The following KCTD8 variants were observed in gnomAD, a reference collection of about 807,000 sequenced individuals.
The protein encoded by KCTD8 is potassium channel tetramerization domain containing 8, also known as BTB/POZ domain-containing protein KCTD8.
KCTD8 carries 27 observed loss-of-function variants against 31.5 expected under a neutral mutation model. The ratio of observed to expected loss-of-function variants is 0.86; its 90% CI spans 0.63 to 1.18. The LOEUF (loss-of-function observed/expected upper bound fraction) is 1.18, where lower values mean the gene tolerates loss of function less well. Among genes scored for constraint, KCTD8 ranks in the 50% most tolerant of loss-of-function variants. The pLI is 0.00. For missense variants in KCTD8, 658 were observed against 647.7 expected (o/e 1.02, Z -0.17); for synonymous variants, 290 against 280.0 (o/e 1.04, Z -0.36).
At chr4:44,279,091 A>G (rs1008484967) in intron 1 of KCTD8, among the ~76,000 whole-genome samples, 1 of 152,046 alleles carries the variant, frequency 6.6e-6, no homozygotes, top group Non-Finnish European at 1.5e-5. Context: ...ATACCTTTAC[A>G]TTTCATTTTT....
At chr4:44,297,784 A>G (rs1717480769) in intron 1 of KCTD8, among the ~76,000 whole-genome samples, 1 of 152,188 alleles carries the variant, frequency 6.6e-6, no homozygotes, top group South Asian at 2.1e-4. Flanking sequence ...CTACTCCACA[A>G]TGAATTTGCA....
Position 44,448,478 on chromosome 4 carries a change from T to G in KCTD8, c.46A>C (p.Ile16Leu). The G allele has an allele frequency of 2.6e-6, 4 of 1,524,472 alleles. No individual in the cohort carries two copies. Among genetic ancestry groups the G allele is most frequent in the Non-Finnish European group, 3.5e-6 (4 of 1,143,826 alleles). The allele number at this position is 1,524,472 out of a possible 1,614,324, so 94.4% of individuals were successfully genotyped here. Residue 16 changes from isoleucine (I) to leucine (L), a missense_variant, in exon 1 of 2, where the codon ATT becomes CTT. Coordinates refer to ENST00000360029, the MANE Select transcript of KCTD8 (RefSeq NM_198353.3). The surrounding 1 kb of genome is among the most constrained non-coding windows in gnomAD (Gnocchi z 4.1). ...CTGGACGAGGAAACCATCTCGCTAA[T>G]GGGCAGGATGGTGCTGCCGCCGCTG... ...TGSGGSTILP[I>L]SEMVSSSSSP...
At chr4:44,346,155 C>T (rs979598675) in intron 1 of KCTD8, among the ~76,000 whole-genome samples, 1 of 152,104 alleles carries the variant, frequency 6.6e-6, no homozygotes, top group African/African-American at 2.4e-5. Context: ...AATTCTATGG[C>T]AGTTTCCAAG....
At chr4:44,235,976 C>T (rs1055076990) in intron 1 of KCTD8, among the ~76,000 whole-genome samples, 1 of 152,066 alleles carries the variant, frequency 6.6e-6, no homozygotes, top group Non-Finnish European at 1.5e-5. Context: ...ATGAACCCAA[C>T]AAGAGATGAT....
At chr4:44,359,451 C>A (rs1719441641) in intron 1 of KCTD8, among the ~76,000 whole-genome samples, 1 of 152,098 alleles carries the variant, frequency 6.6e-6, no homozygotes, top group South Asian at 2.1e-4. Context: ...TCATCTAAAT[C>A]ATCCGTTATT....
intron 1 of KCTD8, among the ~76,000 whole-genome samples, chr4:44,323,494 C>G (rs1338776699): frequency 1.1e-5 from 1 of 90,590 alleles, no homozygotes; most frequent in Admixed American, 1.2e-4. Flanking sequence ...AACTCCATCC[C>G]CACCCACCCC....
intron 1 of KCTD8, among the ~76,000 whole-genome samples, chr4:44,269,399 T>C (rs996048122): frequency 6.6e-6 from 1 of 151,488 alleles, no homozygotes; most frequent in African/African-American, 2.4e-5. Flanking sequence ...TCAAGATGGA[T>C]TAAAGACTTA....
At chr4:44,252,982 G>A (rs1715887162) in intron 1 of KCTD8, among the ~76,000 whole-genome samples, 1 of 151,614 alleles carries the variant, frequency 6.6e-6, no homozygotes, top group Non-Finnish European at 1.5e-5. Context: ...AGCCTTTAAT[G>A]TATTGATTCC....
intron 1 of KCTD8, among the ~76,000 whole-genome samples, chr4:44,320,514 T>G (rs1169660736): frequency 1.3e-5 from 2 of 152,204 alleles, no homozygotes; most frequent in African/African-American, 2.4e-5. Context: ...ATTGGGACTT[T>G]TTCCCTATAA....
chr4:44,353,587 T>G (rs1292956788), intron 1 of KCTD8, among the ~76,000 whole-genome samples: 4 of 152,056 alleles, frequency 2.6e-5, no homozygotes, highest in Admixed American at 2.6e-4. Flanking sequence ...TATATTTTTG[T>G]ACCAATTAAT....
At chr4:44,377,038 G>C (rs774571870) in intron 1 of KCTD8, among the ~76,000 whole-genome samples, 2 of 152,160 alleles carry the variant, frequency 1.3e-5, no homozygotes, top group Non-Finnish European at 2.9e-5. Context: ...CACACCACAT[G>C]TTTAAGTATT....
intron 1 of KCTD8, among the ~76,000 whole-genome samples, chr4:44,253,925 C>A (rs750072394): frequency 1.1e-4 from 16 of 151,814 alleles, no homozygotes; most frequent in Non-Finnish European, 1.6e-4. Context: ...TGATAGTGAG[C>A]AGAAGCCAAG....
In KCTD8 at chr4:44,220,053, G is replaced by C. The variant is rs1358704372; in HGVS notation, c.962-44803C>G. ...GGATCTGAATAGTAAAGCAGGAAAGGTTAAATGAACTTCAAAGGCAGGACA... is the reference window on the plus strand; with the variant it reads ...GGATCTGAATAGTAAAGCAGGAAAGCTTAAATGAACTTCAAAGGCAGGACA... On this transcript the variant is annotated intron_variant, in intron 1 of 1. Coordinates refer to ENST00000360029, the MANE Select transcript of KCTD8 (RefSeq NM_198353.3). Among the ~76,000 whole-genome samples, 5 of 152,292 alleles carry C rather than the reference G, an allele frequency of 3.3e-5. No homozygotes were observed. In the East Asian group the frequency reaches 9.6e-4, roughly 29 times the overall value.
chr4:44,188,334 T>C (rs1238769120), intron 1 of KCTD8, among the ~76,000 whole-genome samples: 2 of 152,218 alleles, frequency 1.3e-5, no homozygotes, highest in African/African-American at 4.8e-5. Context: ...TTTCATTTCA[T>C]AGTACAATAA....
chr4:44,293,170 A>G (rs1353871128), intron 1 of KCTD8, among the ~76,000 whole-genome samples: 2 of 152,058 alleles, frequency 1.3e-5, no homozygotes, highest in Non-Finnish European at 2.9e-5. Flanking sequence ...TAACACCTCA[A>G]TTTTTTTCAA....
intron 1 of KCTD8, among the ~76,000 whole-genome samples, chr4:44,363,058 GA>G (rs1283702061): frequency 3.3e-5 from 5 of 151,954 alleles, no homozygotes; most frequent in African/African-American, 1.2e-4. Context: ...ATTTATATTG[GA>G]AAGGAGGTTA....
intron 1 of KCTD8, among the ~76,000 whole-genome samples, chr4:44,282,278 T>C (rs1716923982): frequency 6.6e-6 from 1 of 152,138 alleles, no homozygotes; most frequent in Non-Finnish European, 1.5e-5. Context: ...TTCTTATTAA[T>C]ATTATACCTG....
At chr4:44,395,994 T>A (rs1190409823) in intron 1 of KCTD8, among the ~76,000 whole-genome samples, 2 of 152,124 alleles carry the variant, frequency 1.3e-5, no homozygotes, top group African/African-American at 2.4e-5. Context: ...TTTATTTCTA[T>A]TATTATTACA....
intron 1 of KCTD8, among the ~76,000 whole-genome samples, chr4:44,422,624 A>G (rs1463931336): frequency 6.6e-6 from 1 of 152,170 alleles, no homozygotes; most frequent in Non-Finnish European, 1.5e-5. Context: ...AAATAGTACA[A>G]CTTGCAGAAG....
Sources: allele counts gnomAD v4.1 joint callset (sites outside exome capture counted in the v4.1 genomes callset), GRCh38; gene constraint gnomAD v4.1.1; non-coding constraint Gnocchi (gnomAD v3.1); transcripts MANE v1.5; gene names NCBI Gene and HGNC (gene_info 2026-07-23, HGNC 2026-07-21).